KCNIP4: variants seen among roughly 807,000 people sequenced by gnomAD.
KCNIP4 encodes potassium voltage-gated channel interacting protein 4, also known as Kv channel-interacting protein 4.
A neutral mutation model predicts 34.0 loss-of-function variants in KCNIP4; 12 were observed. The ratio of observed to expected loss-of-function variants is 0.35; its 90% confidence interval spans 0.23 to 0.57. The LOEUF is 0.57. KCNIP4 is among the 20% of genes least tolerant of loss of function. KCNIP4 has a pLI of 0.83. For synonymous variants in KCNIP4, 124 were observed against 102.2 expected (o/e 1.21, Z -1.29); for missense variants, 238 against 311.7 (o/e 0.76, Z 1.78).
At chr4:21,494,552 A>AC (rs1215622780) in intron 1 of KCNIP4, among the ~76,000 whole-genome samples, 1 of 152,070 alleles carries the variant, frequency 6.6e-6, no homozygotes, top group Non-Finnish European at 1.5e-5. Flanking sequence ...AGGTGGGCGG[A>AC]CCATGAGGTC....
intron 1 of KCNIP4, among the ~76,000 whole-genome samples, chr4:21,190,509 G>T (rs529879433): frequency 2.6e-5 from 4 of 151,858 alleles, no homozygotes; most frequent in Admixed American, 1.3e-4. Flanking sequence ...GAGTGGGTGG[G>T]GGGGGGCACT....
chr4:21,040,358 C>T (rs983099705), intron 1 of KCNIP4, among the ~76,000 whole-genome samples: 1 of 152,142 alleles, frequency 6.6e-6, no homozygotes, highest in Non-Finnish European at 1.5e-5. Flanking sequence ...TTTACTCTGA[C>T]ATATTTTCTA....
intron 8 of KCNIP4, chr4:20,731,462 A>C (rs146831140): frequency 1.0e-6 from 1 of 985,264 alleles, no homozygotes; most frequent in Admixed American, 6.1e-5. Context: ...ACAGGCTACT[A>C]CCTGGAGTTC....
At chr4:21,571,016 GT>G (rs1272158204) in intron 1 of KCNIP4, among the ~76,000 whole-genome samples, 3 of 152,098 alleles carry the variant, frequency 2.0e-5, no homozygotes, top group African/African-American at 7.2e-5. Flanking sequence ...ATGCTTCTCC[GT>G]TTGAGAAAAG....
At chr4:21,754,459 T>C (rs1410048409) in intron 1 of KCNIP4, among the ~76,000 whole-genome samples, 6 of 152,242 alleles carry the variant, frequency 3.9e-5, no homozygotes, top group African/African-American at 1.2e-4. Flanking sequence ...ATTTGTTGAA[T>C]TAATTAATGC....
intron 3 of KCNIP4, among the ~76,000 whole-genome samples, chr4:20,816,781 G>A (rs561917364): frequency 1.2e-4 from 19 of 152,220 alleles, no homozygotes; most frequent in Admixed American, 4.6e-4. Context: ...GAATTTTTCC[G>A]TCATAGACCT....
At chr4:21,154,320 AT>A (rs1359744997) in intron 1 of KCNIP4, among the ~76,000 whole-genome samples, 18 of 152,352 alleles carry the variant, frequency 1.2e-4, no homozygotes, top group African/African-American at 4.1e-4. Flanking sequence ...ACTATTATGT[AT>A]TCATAAAAAT....
chr4:21,358,026 G>T (rs1272606654), intron 1 of KCNIP4, among the ~76,000 whole-genome samples: 1 of 152,104 alleles, frequency 6.6e-6, no homozygotes, highest in Non-Finnish European at 1.5e-5. Context: ...GTAGGGACGT[G>T]GATGAAGCTG....
intron 1 of KCNIP4, among the ~76,000 whole-genome samples, chr4:21,375,013 G>A (rs1286171421): frequency 1.4e-5 from 2 of 147,600 alleles, no homozygotes; most frequent in Non-Finnish European, 2.9e-5. Context: ...AAAAGAAGTG[G>A]TAGAGAATTC....
At chr4:21,428,659 C>T (rs1445782966) in intron 1 of KCNIP4, among the ~76,000 whole-genome samples, 1 of 152,138 alleles carries the variant, frequency 6.6e-6, no homozygotes, top group Non-Finnish European at 1.5e-5. Flanking sequence ...TGGTGGTATG[C>T]TTGCTGACTA....
At chr4:20,819,888 T>C (rs1362195922) in intron 3 of KCNIP4, among the ~76,000 whole-genome samples, 3 of 152,220 alleles carry the variant, frequency 2.0e-5, no homozygotes, top group Non-Finnish European at 4.4e-5. Context: ...AGAGCCTTGA[T>C]CTTGGACTTG....
At chr4:21,226,168 T>C (rs913974373) in intron 1 of KCNIP4, among the ~76,000 whole-genome samples, 2 of 143,682 alleles carry the variant, frequency 1.4e-5, no homozygotes, top group Admixed American at 7.0e-5. Flanking sequence ...TATCTTCATT[T>C]TGGGTGGCTG....
chr4:20,869,416 G>A (rs1379603505), intron 2 of KCNIP4, among the ~76,000 whole-genome samples: 2 of 151,946 alleles, frequency 1.3e-5, no homozygotes, highest in Non-Finnish European at 2.9e-5. Context: ...GATGGTATAT[G>A]TGTCTGGCAC....
At chr4:21,108,390 C>G (rs552424209) in intron 1 of KCNIP4, among the ~76,000 whole-genome samples, 55 of 151,314 alleles carry the variant, frequency 3.6e-4, no homozygotes, top group Middle Eastern at 6.8e-3. Context: ...TTGATCGCAT[C>G]GGCTCCTGAG....
At chr4:21,783,798 C>A (rs957481826) in intron 1 of KCNIP4, among the ~76,000 whole-genome samples, 2 of 152,106 alleles carry the variant, frequency 1.3e-5, no homozygotes, top group African/African-American at 4.8e-5. Flanking sequence ...TCCCTATCTT[C>A]CATTATTATT....
chr4:20,735,518 G>GTTTTTTT (rs754949562), intron 5 of KCNIP4, among the ~76,000 whole-genome samples: 5 of 130,814 alleles, frequency 3.8e-5, no homozygotes, highest in African/African-American at 1.1e-4. Flanking sequence ...TTCATTTAGT[G>GTTTTTTT]TTTTTTTTTT....
At chr4:21,033,695 C>T (rs151263745) in intron 1 of KCNIP4, among the ~76,000 whole-genome samples, 41 of 152,130 alleles carry the variant, frequency 2.7e-4, no homozygotes, top group African/African-American at 9.6e-4. Context: ...ATGATTGAGG[C>T]CATGATTATA....
chr4:20,995,604 T>C (rs1166577586), intron 1 of KCNIP4, among the ~76,000 whole-genome samples: 1 of 152,166 alleles, frequency 6.6e-6, no homozygotes, highest in Non-Finnish European at 1.5e-5. Context: ...AAAGAACCAC[T>C]CTCAGTCACT....
At chr4:21,259,984 T>A (rs1187003892) in intron 1 of KCNIP4, among the ~76,000 whole-genome samples, 2 of 151,974 alleles carry the variant, frequency 1.3e-5, no homozygotes. Context: ...GGAACAGAAC[T>A]GTGTGATTGT....
Sources: allele counts gnomAD v4.1 joint callset (sites outside exome capture counted in the v4.1 genomes callset), GRCh38; gene constraint gnomAD v4.1.1; transcripts MANE v1.5; gene names NCBI Gene and HGNC (gene_info 2026-07-23, HGNC 2026-07-21).